ADAMTS6: variants seen among roughly 807,000 people sequenced by gnomAD.
ADAMTS6 encodes the protein A disintegrin and metalloproteinase with thrombospondin motifs 6.
ADAMTS6 carries 23 observed loss-of-function variants against 144.3 expected under a neutral mutation model. The observed-to-expected ratio is 0.16, with a 90% CI of 0.11 to 0.23. The LOEUF is 0.23. Ranked by LOEUF, ADAMTS6 falls within the 10% of genes least tolerant of loss-of-function variation. The probability of loss-of-function intolerance (pLI) is 1.00; values close to 1 mark genes in which losing one functional copy is unlikely to be tolerated. For synonymous variants in ADAMTS6, 444 were observed against 457.5 expected, an observed-to-expected ratio of 0.97 and a Z score of 0.38; for missense variants, 999 against 1,379.6, an observed-to-expected ratio of 0.72 and a Z score of 4.37.
At chr5:65,478,176 A>G (rs921469005) in intron 1 of ADAMTS6, among the ~76,000 whole-genome samples, 1 of 152,038 alleles carries the variant, frequency 6.6e-6, no homozygotes, top group Non-Finnish European at 1.5e-5. Context: ...AATCAACACA[A>G]CTAACAAATC....
intron 4 of ADAMTS6, among the ~76,000 whole-genome samples, chr5:65,453,673 T>C (rs958379706): frequency 3.9e-5 from 6 of 152,186 alleles, no homozygotes; most frequent in Non-Finnish European, 7.4e-5. Flanking sequence ...CACTATGGCA[T>C]TTGTAAACAC....
chr5:65,471,216 CA>C (rs1760407280), intron 2 of ADAMTS6, 74 bp from the exon 3 acceptor site: 1 of 1,446,450 alleles, frequency 6.9e-7, no homozygotes. Flanking sequence ...AACAAAGAAG[CA>C]GCAATATAAA....
At chr5:65,188,539 AATAAGGTCATATAT>A (rs1229922456) in intron 21 of ADAMTS6, among the ~76,000 whole-genome samples, 5 of 152,318 alleles carry the variant, frequency 3.3e-5, no homozygotes, top group African/African-American at 9.6e-5. Flanking sequence ...ACGAGGGTTA[AATAAGGTCATATAT>A]ATAAAGCTCC....
chr5:65,269,695 T>G (rs551942506), intron 12 of ADAMTS6, among the ~76,000 whole-genome samples: 1 of 152,108 alleles, frequency 6.6e-6, no homozygotes, highest in Non-Finnish European at 1.5e-5. Flanking sequence ...TAAAATGGAG[T>G]TAAAACTGTA....
intron 8 of ADAMTS6, among the ~76,000 whole-genome samples, chr5:65,330,085 A>C (rs1000215782): frequency 6.6e-6 from 1 of 152,118 alleles, no homozygotes; most frequent in South Asian, 2.1e-4. Flanking sequence ...TTTTAATAGG[A>C]GGAAAGTCAT....
intron 7 of ADAMTS6, among the ~76,000 whole-genome samples, chr5:65,426,946 A>T (rs1054570627): frequency 6.6e-6 from 1 of 152,194 alleles, no homozygotes; most frequent in Non-Finnish European, 1.5e-5. Context: ...GCCTACTCAA[A>T]TACATCAAAA....
chr5:65,237,387 CAAAAA>C (rs371275883), intron 15 of ADAMTS6, among the ~76,000 whole-genome samples: 1 of 77,244 alleles, frequency 1.3e-5, no homozygotes, highest in Non-Finnish European at 2.6e-5. Flanking sequence ...GACCTTGTCT[CAAAAA>C]AAAAAAAAAA....
intron 9 of ADAMTS6, among the ~76,000 whole-genome samples, chr5:65,326,595 T>C (rs565667337): frequency 1.1e-4 from 16 of 152,330 alleles, no homozygotes; most frequent in African/African-American, 3.8e-4. Context: ...AGTTACTCAG[T>C]AGGGGCTCTT....
chr5:65,255,636 C>T (rs16893612), intron 14 of ADAMTS6, among the ~76,000 whole-genome samples: 32,015 of 151,882 alleles, frequency 0.21, 3,495 homozygotes, highest in African/African-American at 0.25. Context: ...GCAGAAGTAC[C>T]TTAGGTGCTT....
intron 24 of ADAMTS6, among the ~76,000 whole-genome samples, chr5:65,154,517 G>A (rs1447375412): frequency 1.3e-5 from 2 of 152,200 alleles, no homozygotes; most frequent in South Asian, 2.1e-4. Flanking sequence ...TGCCTGCAGC[G>A]GCAACACAAC....
At chr5:65,367,874 GTGTGTATATATATA>G (rs1184827528) in intron 7 of ADAMTS6, among the ~76,000 whole-genome samples, 4 of 151,790 alleles carry the variant, frequency 2.6e-5, no homozygotes, top group Non-Finnish European at 4.4e-5. Context: ...ATATATATGT[GTGTGTATATATATA>G]TGTGTATATA....
chr5:65,323,106 T>C (rs1388405476), intron 9 of ADAMTS6, among the ~76,000 whole-genome samples: 2 of 152,130 alleles, frequency 1.3e-5, no homozygotes, highest in Non-Finnish European at 2.9e-5. Context: ...TTCATTTATT[T>C]ATTTATTTTT....
At chr5:65,367,585 A>T (rs1281635470) in intron 7 of ADAMTS6, among the ~76,000 whole-genome samples, 1 of 152,088 alleles carries the variant, frequency 6.6e-6, no homozygotes, top group African/African-American at 2.4e-5. Flanking sequence ...GCATCAAATG[A>T]CTGGTCAATA....
At chr5:65,425,092 G>T (rs1289534852) in intron 7 of ADAMTS6, among the ~76,000 whole-genome samples, 1 of 152,134 alleles carries the variant, frequency 6.6e-6, no homozygotes, top group Non-Finnish European at 1.5e-5. Context: ...TACCTCCCAG[G>T]TTCAAGCGAT....
chr5:65,312,691 T>G lies in ADAMTS6; in HGVS notation c.1224-12560A>C, dbSNP rs192626789. ...AATGATCACATTTGGTATAAGCACT[T>G]CTGAGTTGAAGGTTAAGTTTCCAAT... is the stretch of plus-strand genomic sequence containing the variant. On this transcript the variant is annotated intron_variant, in intron 9 of 24. Coordinates refer to ENST00000381055, the MANE Select transcript of ADAMTS6 (RefSeq NM_197941.4). 1.6e-3 allele frequency among the ~76,000 whole-genome samples: 249 copies of G among 152,106 alleles called. 1 individual carries two copies. The highest frequency in any genetic ancestry group is 5.9e-3 in the African/African-American group (244 of 41,542).
At chr5:65,407,242 C>T (rs886696188) in intron 7 of ADAMTS6, among the ~76,000 whole-genome samples, 3 of 151,940 alleles carry the variant, frequency 2.0e-5, no homozygotes, top group South Asian at 2.1e-4. Context: ...AGAGAAAGGT[C>T]GGGTTACCCA....
intron 1 of ADAMTS6, among the ~76,000 whole-genome samples, chr5:65,475,808 G>C (rs781615564): frequency 2.0e-5 from 3 of 152,224 alleles, no homozygotes; most frequent in South Asian, 2.1e-4. Flanking sequence ...TAACCAGAAA[G>C]GTAGTTTAAG....
At position 65,188,481 on chromosome 5, in the gene ADAMTS6, T is replaced by G. The variant is rs372047364; in HGVS notation, c.2706-261A>C. On this transcript the variant is annotated intron_variant, in intron 21 of 24. Coordinates refer to ENST00000381055, the MANE Select transcript of ADAMTS6 (RefSeq NM_197941.4). ...CTCTTTTATTTTTCTCCTTTTTAAT[T>G]ACATTCTAAAATGAGGATAACAATG... Among the ~76,000 whole-genome samples the G allele has an allele frequency of 3.9e-5, 6 of 152,322 alleles. No homozygotes were observed. The East Asian group carries it at 1.2e-3, about 29-fold the overall frequency.
chr5:65,356,828 T>G (rs751611195), intron 7 of ADAMTS6, among the ~76,000 whole-genome samples: 1 of 151,928 alleles, frequency 6.6e-6, no homozygotes, highest in Non-Finnish European at 1.5e-5. Context: ...CTTAAAATTA[T>G]GTGTTTCAGA....
Sources: allele counts gnomAD v4.1 joint callset (sites outside exome capture counted in the v4.1 genomes callset), GRCh38; gene constraint gnomAD v4.1.1; transcripts MANE v1.5; gene names NCBI Gene and HGNC (gene_info 2026-07-23, HGNC 2026-07-21).